Variants in ARL6IP1 observed in about 807,000 individuals in gnomAD.
ARL6IP1 encodes the protein ADP-ribosylation factor-like protein 6-interacting protein 1.
In ARL6IP1, 16 loss-of-function variants were observed where a neutral mutation model predicts 30.1. The ratio of observed to expected loss-of-function variants is 0.53; its 90% CI spans 0.36 to 0.81. The LOEUF (loss-of-function observed/expected upper bound fraction) is 0.81, where lower values mean the gene tolerates loss of function less well. ARL6IP1 is among the 30% of genes least tolerant of loss of function. ARL6IP1 has a pLI of 0.01. For missense variants in ARL6IP1, 173 were observed against 242.7 expected (o/e 0.71, Z 1.91); for synonymous variants, 72 against 84.8 (o/e 0.85, Z 0.83).
At chr16:18,793,478 C>G (rs2030133020) in intron 5 of ARL6IP1, 108 bp from the exon 6 acceptor site, 1 of 644,000 alleles carries the variant, frequency 1.6e-6, no homozygotes, top group Non-Finnish European at 2.6e-6. Context: ...GTTGCCCAGG[C>G]TGGAGTGCAA....
Position 18,793,150 on chromosome 16 carries a change from CAA to C in ARL6IP1, c.*100_*101del, listed in dbSNP as rs2030112485. ...TAACTAAGGGCAGAGTGAGGGAGAA[CAA>C]AGAGCTACTTCCGTAACATTTTAGT... On this transcript the variant is annotated 3_prime_UTR_variant, in exon 6 of 6. Coordinates refer to ENST00000304414, the MANE Select transcript of ARL6IP1 (RefSeq NM_015161.3). 1 of 756,682 alleles carries C rather than the reference CAA, an allele frequency of 1.3e-6. No individual in the cohort carries two copies. Among genetic ancestry groups the C allele is most frequent in the African/African-American group, 1.8e-5 (1 of 56,110 alleles). 46.9% of individuals were successfully genotyped at this position (756,682 alleles called of 1,614,324 possible).
intron 4 of ARL6IP1, 128 bp from the exon 5 acceptor site, chr16:18,794,811 TTTTC>T: frequency 1.7e-6 from 1 of 592,588 alleles, no homozygotes; most frequent in Non-Finnish European, 2.8e-6. Context: ...TTATTATCAC[TTTTC>T]TTTAAAAATT....
rs191698382 is a variant in ARL6IP1 at position 18,796,664 on chromosome 16, A to C, written c.291-1083T>G. On this transcript the variant is annotated intron_variant, in intron 3 of 5. Transcript: ENST00000304414. ...ATACTGCACATTCAGAAACTTGCCC[A>C]AAAGAGCCAACAACATTGATTCATT... 1.4e-3 allele frequency among the ~76,000 whole-genome samples: 215 copies of C among 152,358 alleles called. 1 individual carries two copies. Among genetic ancestry groups the C allele is most frequent in the Admixed American group, 2.9e-3 (44 of 15,302 alleles).
At chr16:18,794,356 T>A (rs886989630) in intron 5 of ARL6IP1, among the ~76,000 whole-genome samples, 4 of 152,218 alleles carry the variant, frequency 2.6e-5, no homozygotes, top group African/African-American at 9.7e-5. Context: ...CCCAGAAACT[T>A]CTGCTCTCAT....
chr16:18,800,173 A>G (rs2030365388), intron 1 of ARL6IP1, among the ~76,000 whole-genome samples: 1 of 152,168 alleles, frequency 6.6e-6, no homozygotes, highest in South Asian at 2.1e-4. Flanking sequence ...ATACTAGTGA[A>G]AGAGACTACT....
chr16:18,801,176 C>T lies in ARL6IP1; in HGVS notation c.36+255G>A, dbSNP rs909425664. The T allele has an allele frequency of 1.2e-5, 17 of 1,398,318 alleles. No individual in the cohort carries two copies. In the African/African-American group the frequency reaches 2.2e-4, roughly 18 times the overall value. 86.6% of individuals were successfully genotyped at this position (1,398,318 alleles called of 1,614,324 possible). Reference sequence around the variant, plus strand: ...GGCTAGTGTCGCAGCCCCTCTGCCTCCCACTTCCTCCTCGACTCCTACTCG... The same window carrying T: ...GGCTAGTGTCGCAGCCCCTCTGCCTTCCACTTCCTCCTCGACTCCTACTCG... On this transcript the variant is annotated intron_variant, in intron 1 of 5. Transcript: ENST00000304414.
chr16:18,798,609 AG>A, intron 2 of ARL6IP1, 91 bp downstream of exon 2: 1 of 1,394,126 alleles, frequency 7.2e-7, no homozygotes, highest in Non-Finnish European at 9.6e-7. Flanking sequence ...ATATTACAGA[AG>A]ACTTAAGGCA....
In ARL6IP1 at chr16:18,801,441, G is replaced by C. The variant is rs747185659; in HGVS notation, c.26C>G (p.Thr9Ser). The C allele has an allele frequency of 6.0e-5, 97 of 1,612,902 alleles. 1 individual carries two copies. Among genetic ancestry groups the C allele is most frequent in the Non-Finnish European group, 7.9e-5 (93 of 1,179,760 alleles). MAEGDNRS[T>S]NLLAAETASL... ...GCAGCCAGGACTCACCAGCAGGTTG[G>C]TGCTGCGATTATCTCCCTCCGCCAT... The change falls in exon 1 of 6, where the codon ACC (threonine) becomes AGC (serine). Residue 9 changes from threonine to serine, a missense_variant. By Grantham distance (58) the Thr-to-Ser change is moderately conservative. Coordinates refer to ENST00000304414, the MANE Select transcript of ARL6IP1 (RefSeq NM_015161.3).
At position 18,792,728 on chromosome 16, in the gene ARL6IP1, T is replaced by G. The variant is rs2030101234; in HGVS notation, c.*524A>C. On this transcript the variant is annotated 3_prime_UTR_variant, in exon 6 of 6. Coordinates refer to ENST00000304414, the MANE Select transcript of ARL6IP1 (RefSeq NM_015161.3). ...GTTTCATCTTATTTCATGGGGACTCTTCTCCCACTGGAAAGAAACAGAATG... is the reference window on the plus strand; with the variant it reads ...GTTTCATCTTATTTCATGGGGACTCGTCTCCCACTGGAAAGAAACAGAATG... 1 of 152,700 alleles carries G rather than the reference T, an allele frequency of 6.5e-6. No individual in the cohort carries two copies. The highest frequency in any genetic ancestry group is 2.4e-5 in the African/African-American group (1 of 41,454). 9.5% of individuals were successfully genotyped at this position (152,700 alleles called of 1,614,324 possible). A position where few individuals can be genotyped will look rare whatever the true frequency, so the allele number is the denominator to read the frequency against.
intron 1 of ARL6IP1, among the ~76,000 whole-genome samples, chr16:18,800,238 C>T (rs971456045): frequency 2.0e-5 from 3 of 152,270 alleles, no homozygotes; most frequent in Admixed American, 1.3e-4. Flanking sequence ...ATCTTCCTAA[C>T]AACCCTTAAA....
At position 18,801,512 on chromosome 16, in the gene ARL6IP1, G is replaced by T. The variant is rs538416381; in HGVS notation, c.-46C>A. 3.1e-6 allele frequency: 5 copies of T among 1,602,986 alleles called. No individual in the cohort carries two copies. Among genetic ancestry groups the T allele is most frequent in the Admixed American group, 3.5e-5 (2 of 57,326 alleles). On this transcript the variant is annotated 5_prime_UTR_variant, in exon 1 of 6. Transcript: ENST00000304414. ...TACAAGCGCAGGCCACCTCCCCAACGAGTCCTCCAACCGAAACCCGCACAC... is the reference window on the plus strand; with the variant it reads ...TACAAGCGCAGGCCACCTCCCCAACTAGTCCTCCAACCGAAACCCGCACAC...
At position 18,795,453 on chromosome 16, in the gene ARL6IP1, A is replaced by T; in HGVS notation, c.408+11T>A. On this transcript the variant is annotated intron_variant, in intron 4 of 5. Coordinates refer to ENST00000304414, the MANE Select transcript of ARL6IP1 (RefSeq NM_015161.3). ...AATTTTACTGTACTTAAGTCAAAGC[A>T]AAAAAAGTACCATCTTAGGTTTTTC... 5 of 1,595,084 alleles carry T rather than the reference A, an allele frequency of 3.1e-6. No individual in the cohort carries two copies. Among genetic ancestry groups the T allele is most frequent in the Non-Finnish European group, 4.3e-6 (5 of 1,167,948 alleles).
chr16:18,799,474 C>CGGG (rs1225121461), intron 1 of ARL6IP1, among the ~76,000 whole-genome samples: 1 of 152,082 alleles, frequency 6.6e-6, no homozygotes, highest in Non-Finnish European at 1.5e-5. Flanking sequence ...CAAAGTCATG[C>CGGG]GGGGAATCGT....
intron 1 of ARL6IP1, among the ~76,000 whole-genome samples, chr16:18,799,764 A>G (rs537788003): frequency 6.6e-6 from 1 of 152,326 alleles, no homozygotes; most frequent in African/African-American, 2.4e-5. Flanking sequence ...AGTGTTTCTT[A>G]CCACTCAGGA....
chr16:18,797,561 C>T (rs1596947549), intron 3 of ARL6IP1, among the ~76,000 whole-genome samples: 1 of 152,230 alleles, frequency 6.6e-6, no homozygotes, highest in East Asian at 1.9e-4. Context: ...TTTCACAGTA[C>T]TTTACAGGGC....
At position 18,798,031 on chromosome 16, in the gene ARL6IP1, GAT is replaced by G; in HGVS notation, c.182_183del (p.Tyr61SerfsTer20). 6.2e-7 allele frequency: 1 copy of G among 1,601,018 alleles called. No homozygotes were observed. Among genetic ancestry groups the G allele is most frequent in the Non-Finnish European group, 8.5e-7 (1 of 1,175,880 alleles). On this transcript the variant is annotated frameshift_variant, in exon 3 of 6. Transcript: ENST00000304414. LOFTEE classifies it high-confidence loss of function. Reference sequence around the variant, plus strand: ...ACGCCGGACAGAACAGATGGATCTAGATAGTAGATAATCCTGTTAAAAAAATT... The same window carrying G: ...ACGCCGGACAGAACAGATGGATCTAGAGTAGATAATCCTGTTAAAAAAATT... ...VVSLVFLIIYYLDPSVLSGVS... is the reference protein window; with the variant it reads ...VVSLVFLIIYXLDPSVLSGVS...
At chr16:18,793,395 T>A in intron 5 of ARL6IP1, 25 bp from the exon 6 acceptor site, 1 of 1,360,612 alleles carries the variant, frequency 7.3e-7, no homozygotes, top group Non-Finnish European at 1.0e-6. Flanking sequence ...AAACCCAACA[T>A]TAAGGAGGCA....
chr16:18,798,476 A>G, intron 2 of ARL6IP1: 4 of 471,920 alleles, frequency 8.5e-6, no homozygotes, highest in Non-Finnish European at 1.5e-5. Flanking sequence ...CTGGAGGACA[A>G]AAAGTTTGCG....
chr16:18,799,815 A>T (rs2030353812), intron 1 of ARL6IP1, among the ~76,000 whole-genome samples: 1 of 152,242 alleles, frequency 6.6e-6, no homozygotes, highest in African/African-American at 2.4e-5. Flanking sequence ...GACTCTGAAC[A>T]GCCGAAAGTG....
Sources: allele counts gnomAD v4.1 joint callset (sites outside exome capture counted in the v4.1 genomes callset), GRCh38; gene constraint gnomAD v4.1.1; transcripts MANE v1.5; gene names NCBI Gene and HGNC (gene_info 2026-07-23, HGNC 2026-07-21).